Variants in HTR4 observed in about 807,000 individuals in gnomAD.
The protein encoded by HTR4 is 5-hydroxytryptamine receptor 4, also known as 5-hydroxytryptamine (serotonin) receptor 4, G protein-coupled.
Under a neutral mutation model 36.8 loss-of-function variants are expected in HTR4, and 16 were observed. That is an observed-to-expected ratio of 0.43 (90% CI 0.29 to 0.66). HTR4 has a LOEUF of 0.66. HTR4 is among the 30% of genes least tolerant of loss of function. The pLI, the probability that HTR4 is intolerant of heterozygous loss-of-function variation, is 0.13. For missense variants in HTR4, 438 were observed against 490.9 expected, an observed-to-expected ratio of 0.89 and a Z score of 1.02; for synonymous variants, 189 against 185.1, an observed-to-expected ratio of 1.02 and a Z score of -0.17.
chr5:148,537,801 A>G (rs1341224503), intron 4 of HTR4, among the ~76,000 whole-genome samples: 2 of 152,172 alleles, frequency 1.3e-5, no homozygotes, highest in Non-Finnish European at 2.9e-5. Flanking sequence ...ATTCCACCAG[A>G]TGTACAAAGA....
intron 2 of HTR4, among the ~76,000 whole-genome samples, chr5:148,602,237 T>C (rs906025327): frequency 8.5e-5 from 13 of 152,176 alleles, no homozygotes; most frequent in African/African-American, 3.1e-4. Context: ...CACGGGTGTA[T>C]ACTTACTCCC....
chr5:148,550,445 G>C (rs1382913273), intron 2 of HTR4, among the ~76,000 whole-genome samples, 183 bp from the exon 3 acceptor site: 3 of 152,102 alleles, frequency 2.0e-5, no homozygotes, highest in Admixed American at 6.5e-5. Flanking sequence ...ATCCTGGTTA[G>C]CTCCTACATA....
chr5:148,616,793 A>G (rs1752707922), intron 2 of HTR4, among the ~76,000 whole-genome samples: 1 of 152,196 alleles, frequency 6.6e-6, no homozygotes, highest in African/African-American at 2.4e-5. Context: ...ACCCATATAA[A>G]AAAGTTATAA....
Position 148,509,557 on chromosome 5 carries a change from G to A in HTR4, c.975C>T (p.Ile325=). Reference sequence around the variant, plus strand: ...AGCGCTCATCATCACAGCAGAGGATGATGAGGAAGGCACGTCTAAAAGACT... The same window carrying A: ...AGCGCTCATCATCACAGCAGAGGATAATGAGGAAGGCACGTCTAAAAGACT... ...LNKSFRRAFL[I]ILCCDDERYR... Residue 325 remains isoleucine, a synonymous_variant, in exon 6 of 7, where the codon ATC becomes ATT. Transcript: ENST00000377888. 2 of 1,614,084 alleles carry A rather than the reference G, an allele frequency of 1.2e-6. No individual in the cohort carries two copies. Among genetic ancestry groups the A allele is most frequent in the Non-Finnish European group, 1.7e-6 (2 of 1,179,980 alleles).
intron 4 of HTR4, among the ~76,000 whole-genome samples, chr5:148,538,753 T>C (rs192557816): frequency 4.1e-4 from 62 of 152,310 alleles, no homozygotes; most frequent in Non-Finnish European, 6.5e-4. Flanking sequence ...AAACATTGCA[T>C]GTTCATAGCT....
chr5:148,584,023 T>C (rs1452048856), intron 2 of HTR4, among the ~76,000 whole-genome samples: 1 of 152,180 alleles, frequency 6.6e-6, no homozygotes, highest in Non-Finnish European at 1.5e-5. Context: ...TTTTACCTGT[T>C]ATTTGTTTTA....
At chr5:148,468,525 T>C (rs1755488350) in intron 5 of HTR4, among the ~76,000 whole-genome samples, 1 of 151,996 alleles carries the variant, frequency 6.6e-6, no homozygotes, top group South Asian at 2.1e-4. Flanking sequence ...GGAAGGGAGG[T>C]CTTCTTGTCC....
intron 5 of HTR4, among the ~76,000 whole-genome samples, chr5:148,459,187 G>A (rs1186247033): frequency 1.3e-5 from 2 of 152,056 alleles, no homozygotes; most frequent in Admixed American, 6.6e-5. Flanking sequence ...GTAATTGATA[G>A]ACTGTTAGAG....
chr5:148,476,583 T>A, downstream of HTR4: 1 of 1,458,220 alleles, frequency 6.9e-7, no homozygotes, highest in Non-Finnish European at 9.0e-7. Context: ...CAAAGTGGGC[T>A]GGTACAGTGG....
chr5:148,452,724 A>G (rs1212071787), intron 5 of HTR4, among the ~76,000 whole-genome samples: 3 of 152,194 alleles, frequency 2.0e-5, no homozygotes, highest in South Asian at 4.1e-4. Context: ...TTGTTGAGAG[A>G]GAGCTAAGCC....
chr5:148,459,057 G>A (rs776831029), intron 5 of HTR4, among the ~76,000 whole-genome samples: 6 of 152,124 alleles, frequency 3.9e-5, no homozygotes, highest in Non-Finnish European at 8.8e-5. Flanking sequence ...ATCAGTGGAG[G>A]TATTGAGATG....
At chr5:148,508,916 C>T (rs1315427979) in intron 6 of HTR4, among the ~76,000 whole-genome samples, 2 of 151,908 alleles carry the variant, frequency 1.3e-5, no homozygotes, top group East Asian at 1.9e-4. Context: ...TTAACATTCT[C>T]ATCTGTTTTA....
intron 6 of HTR4, among the ~76,000 whole-genome samples, chr5:148,496,931 A>C (rs1756711279): frequency 6.6e-6 from 1 of 152,140 alleles, no homozygotes; most frequent in African/African-American, 2.4e-5. Context: ...GTTCCCGTGA[A>C]TCAAACTTCA....
chr5:148,639,537 T>C (rs1753658967), intron 1 of HTR4, among the ~76,000 whole-genome samples: 1 of 151,322 alleles, frequency 6.6e-6, no homozygotes, highest in African/African-American at 2.4e-5. Flanking sequence ...ACAGGTCTTC[T>C]CTCAACACCT....
intron 5 of HTR4, among the ~76,000 whole-genome samples, chr5:148,517,292 T>A (rs553674904): frequency 1.3e-3 from 202 of 152,290 alleles, no homozygotes; most frequent in African/African-American, 4.7e-3. Context: ...TCTTCTATTC[T>A]GTATCTACCT....
intron 5 of HTR4, among the ~76,000 whole-genome samples, chr5:148,470,198 G>A (rs1755530150): frequency 6.6e-6 from 1 of 152,160 alleles, no homozygotes; most frequent in African/African-American, 2.4e-5. Flanking sequence ...TGGTAACGGT[G>A]CTATTAATAA....
intron 3 of HTR4, among the ~76,000 whole-genome samples, chr5:148,549,239 C>A (rs1759556335): frequency 6.6e-6 from 1 of 152,148 alleles, no homozygotes; most frequent in South Asian, 2.1e-4. Context: ...CCTGGTTAAT[C>A]CCACCCACCC....
intron 2 of HTR4, among the ~76,000 whole-genome samples, chr5:148,562,339 T>G (rs1388842097): frequency 6.6e-6 from 1 of 152,182 alleles, no homozygotes; most frequent in Non-Finnish European, 1.5e-5. Flanking sequence ...GAACATGGCA[T>G]TAAGACACAA....
At chr5:148,551,376 G>A (rs1043203730) in intron 2 of HTR4, among the ~76,000 whole-genome samples, 12 of 152,132 alleles carry the variant, frequency 7.9e-5, no homozygotes, top group African/African-American at 2.9e-4. Flanking sequence ...TCACCACCCT[G>A]ATCATTTCTT....
Sources: allele counts gnomAD v4.1 joint callset (sites outside exome capture counted in the v4.1 genomes callset), GRCh38; gene constraint gnomAD v4.1.1; transcripts MANE v1.5; gene names NCBI Gene and HGNC (gene_info 2026-07-23, HGNC 2026-07-21).